Variants in GDA observed in about 807,000 individuals in gnomAD.
The protein encoded by GDA is guanine deaminase.
Under a neutral mutation model 59.6 loss-of-function variants are expected in GDA, and 18 were observed. That is an observed-to-expected ratio of 0.30 (90% CI 0.21 to 0.45). GDA has a LOEUF of 0.45. GDA is among the 20% of genes least tolerant of loss of function. The pLI is 1.00. For missense variants in GDA, 427 were observed against 552.3 expected (o/e 0.77, Z 2.27); for synonymous variants, 201 against 201.1 (o/e 1.00, Z 0.00).
chr9:72,250,839 A>G lies in GDA; in HGVS notation c.*2497A>G, dbSNP rs773806708. On this transcript the variant is annotated 3_prime_UTR_variant, in exon 14 of 14. Coordinates refer to ENST00000358399, the MANE Select transcript of GDA (RefSeq NM_004293.5). ...GTATTTTCAACGGAATACACTTTGA[A>G]AGGTAAAAACAATTCAAAAGTATCG... 1.9e-6 allele frequency: 3 copies of G among 1,610,068 alleles called. No individual in the cohort carries two copies. The South Asian group carries it at 3.3e-5, about 18-fold the overall frequency.
intron 1 of GDA, among the ~76,000 whole-genome samples, chr9:72,178,157 G>C (rs1587494112): frequency 4.6e-5 from 7 of 152,346 alleles, no homozygotes; most frequent in Non-Finnish European, 2.9e-5. Context: ...TTGGAATAAG[G>C]AGTGTGGTTG....
intron 1 of GDA, among the ~76,000 whole-genome samples, chr9:72,158,992 C>T (rs888390751): frequency 2.6e-5 from 4 of 152,112 alleles, no homozygotes; most frequent in African/African-American, 4.8e-5. Flanking sequence ...AGACTCAGAG[C>T]CATGCCTGTC....
At chr9:72,120,672 T>C (rs1303502179) in intron 1 of GDA, among the ~76,000 whole-genome samples, 3 of 152,260 alleles carry the variant, frequency 2.0e-5, no homozygotes, top group Admixed American at 2.0e-4. Flanking sequence ...ACATGCTTAC[T>C]ATGTTAACAT....
chr9:72,130,449 A>G (rs889153888), intron 1 of GDA, among the ~76,000 whole-genome samples: 1 of 152,230 alleles, frequency 6.6e-6, no homozygotes, highest in Non-Finnish European at 1.5e-5. Flanking sequence ...AACATTACAT[A>G]AGAAGCAGCT....
intron 13 of GDA, 55 bp downstream of exon 13, chr9:72,247,488 T>C (rs1840275121): frequency 1.1e-6 from 1 of 926,796 alleles, no homozygotes; most frequent in Non-Finnish European, 1.8e-6. Flanking sequence ...TCCCTGTCTT[T>C]TTCTTGGGTA....
intron 1 of GDA, among the ~76,000 whole-genome samples, chr9:72,176,120 T>C (rs1041302743): frequency 1.3e-5 from 2 of 152,146 alleles, no homozygotes; most frequent in African/African-American, 4.8e-5. Flanking sequence ...TCTTCAGTCA[T>C]TGGAAAGCTT....
chr9:72,120,788 C>G (rs1483922650), intron 1 of GDA, among the ~76,000 whole-genome samples: 1 of 152,182 alleles, frequency 6.6e-6, no homozygotes, highest in Non-Finnish European at 1.5e-5. Flanking sequence ...CTTCCACCAC[C>G]TACCCTTTAA....
chr9:72,130,574 A>G (rs1297151694), intron 1 of GDA, among the ~76,000 whole-genome samples: 2 of 152,214 alleles, frequency 1.3e-5, no homozygotes, highest in African/African-American at 4.8e-5. Context: ...GCCAAACTCC[A>G]CTTCCACATG....
chr9:72,200,352 CTCT>C (rs1249494581), intron 2 of GDA, among the ~76,000 whole-genome samples: 2 of 151,306 alleles, frequency 1.3e-5, no homozygotes, highest in Admixed American at 6.6e-5. Flanking sequence ...CCTTTTCTTG[CTCT>C]TCTTCTTCCC....
At chr9:72,259,274 C>T (rs1392346324), downstream of GDA, among the ~76,000 whole-genome samples, 4 of 152,160 alleles carry the variant, frequency 2.6e-5, no homozygotes, top group African/African-American at 7.2e-5. Flanking sequence ...CCTCCCACCT[C>T]GGCCTCCCAA....
chr9:72,230,379 C>T (rs1838177431), intron 9 of GDA, among the ~76,000 whole-genome samples: 1 of 151,668 alleles, frequency 6.6e-6, no homozygotes, highest in African/African-American at 2.4e-5. Flanking sequence ...CCCAGCTACT[C>T]GGGAGGCTGA....
Position 72,249,990 on chromosome 9 carries a change from A to AT in GDA, c.*1655dup. ...TAAAGAGGGAACAAAAGTTAGTTTT[A>AT]TTTTTTTAATAAACAACAGAGTTTG... is the stretch of plus-strand genomic sequence containing the variant. On this transcript the variant is annotated 3_prime_UTR_variant, in exon 14 of 14. Transcript: ENST00000358399. The AT allele has an allele frequency of 8.4e-6, 8 of 957,552 alleles. No homozygotes were observed. Among genetic ancestry groups the AT allele is most frequent in the Non-Finnish European group, 9.9e-6 (8 of 804,656 alleles). 59.3% of individuals were successfully genotyped at this position (957,552 alleles called of 1,614,324 possible). A position where few individuals can be genotyped will look rare whatever the true frequency, so the allele number is the denominator to read the frequency against.
intron 2 of GDA, among the ~76,000 whole-genome samples, chr9:72,199,049 T>C (rs1833604667): frequency 6.6e-6 from 1 of 152,148 alleles, no homozygotes; most frequent in South Asian, 2.1e-4. Flanking sequence ...TCTTCTCTGC[T>C]TTGCCTGCAG....
intron 1 of GDA, among the ~76,000 whole-genome samples, chr9:72,128,084 T>G (rs7044784): frequency 6.6e-6 from 1 of 152,002 alleles, no homozygotes; most frequent in Non-Finnish European, 1.5e-5. Context: ...TTGTTAGTTA[T>G]CCACGTCCTC....
At chr9:72,144,888 C>T (rs1411242647), upstream of GDA, among the ~76,000 whole-genome samples, 3 of 141,850 alleles carry the variant, frequency 2.1e-5, no homozygotes, top group African/African-American at 7.7e-5. Context: ...TTTGGTGTAT[C>T]TTTTTTTTTT....
chr9:72,212,171 T>C (rs1229084463), intron 4 of GDA, among the ~76,000 whole-genome samples: 2 of 152,110 alleles, frequency 1.3e-5, no homozygotes, highest in Non-Finnish European at 2.9e-5. Context: ...TCACAGATAA[T>C]ATTGGCATTG....
chr9:72,201,197 T>TG (rs1223987099), intron 2 of GDA, among the ~76,000 whole-genome samples: 8 of 151,612 alleles, frequency 5.3e-5, no homozygotes, highest in African/African-American at 1.7e-4. Context: ...CACAGAATTT[T>TG]TTTTTTTTTT....
intron 1 of GDA, among the ~76,000 whole-genome samples, chr9:72,163,739 G>T (rs965937232): frequency 6.6e-6 from 1 of 152,168 alleles, no homozygotes; most frequent in Non-Finnish European, 1.5e-5. Context: ...TGATCCACCT[G>T]TGTGGGCCTC....
chr9:72,224,223 A>T (rs1454236853), intron 7 of GDA, among the ~76,000 whole-genome samples: 1 of 152,208 alleles, frequency 6.6e-6, no homozygotes, highest in Non-Finnish European at 1.5e-5. Flanking sequence ...TATCCTTGCT[A>T]GAGAGATGCA....
Sources: allele counts gnomAD v4.1 joint callset (sites outside exome capture counted in the v4.1 genomes callset), GRCh38; gene constraint gnomAD v4.1.1; transcripts MANE v1.5; gene names NCBI Gene and HGNC (gene_info 2026-07-23, HGNC 2026-07-21).